The following ABRAXAS2 variants were observed in gnomAD, a reference collection of about 807,000 sequenced individuals.
The protein encoded by ABRAXAS2 is abraxas 2, BRISC complex subunit.
Under a neutral mutation model 49.0 loss-of-function variants are expected in ABRAXAS2, and 23 were observed. The observed-to-expected ratio is 0.47, with a 90% confidence interval of 0.34 to 0.66. The LOEUF (loss-of-function observed/expected upper bound fraction) is 0.66, where lower values mean the gene tolerates loss of function less well. Ranked by LOEUF, ABRAXAS2 falls within the 30% of genes least tolerant of loss-of-function variation. The pLI, the probability that ABRAXAS2 is intolerant of heterozygous loss-of-function variation, is 0.01. For synonymous variants in ABRAXAS2, 168 were observed against 180.2 expected, an observed-to-expected ratio of 0.93 and a Z score of 0.54; for missense variants, 443 against 511.9, an observed-to-expected ratio of 0.87 and a Z score of 1.30.
At chr10:124,826,834 C>G in intron 5 of ABRAXAS2, 49 bp downstream of exon 5, 2 of 1,579,938 alleles carry the variant, frequency 1.3e-6, no homozygotes, top group Non-Finnish European at 1.7e-6. Flanking sequence ...GACGTTGGGA[C>G]CAGGCGTGGT....
intron 2 of ABRAXAS2, 142 bp from the exon 3 acceptor site, chr10:124,816,434 G>A (rs1419984176): frequency 4.8e-6 from 3 of 624,592 alleles, no homozygotes; most frequent in African/African-American, 3.7e-5. Context: ...TCAGACTGGT[G>A]TACATGTAGC....
At chr10:124,831,151 C>T (rs538397278) in intron 7 of ABRAXAS2, among the ~76,000 whole-genome samples, 198 bp from the exon 8 acceptor site, 77 of 152,282 alleles carry the variant, frequency 5.1e-4, no homozygotes, top group Middle Eastern at 3.4e-3. Context: ...ATAGCATAAT[C>T]ATCTTAAAAT....
At chr10:124,821,251 A>G (rs570689601) in intron 4 of ABRAXAS2, among the ~76,000 whole-genome samples, 2 of 151,480 alleles carry the variant, frequency 1.3e-5, no homozygotes, top group Non-Finnish European at 2.9e-5. Context: ...AGTAACGACC[A>G]TGAACAGGAA....
intron 8 of ABRAXAS2, 24 bp downstream of exon 8, chr10:124,831,487 A>G (rs1275296538): frequency 1.6e-6 from 2 of 1,268,296 alleles, no homozygotes; most frequent in South Asian, 2.4e-5. Context: ...TAATTTTACC[A>G]TTCAGTATCA....
At chr10:124,811,618 A>G (rs12049662) in intron 2 of ABRAXAS2, among the ~76,000 whole-genome samples, 73,202 of 151,102 alleles carry the variant, frequency 0.48, 19,746 homozygotes, top group South Asian at 0.66. Flanking sequence ...CGGGTCTGTA[A>G]TCCCAGCTAC....
chr10:124,825,594 T>G lies in ABRAXAS2; in HGVS notation c.268-1001T>G, dbSNP rs1267024380. ...TAGCCTCAGCAAAAGTTGGCTTACT[T>G]TCTACATGAAAATGTCAAAACAATC... On this transcript the variant is annotated intron_variant, in intron 4 of 8. Coordinates refer to ENST00000298492, the MANE Select transcript of ABRAXAS2 (RefSeq NM_032182.4). Among the ~76,000 whole-genome samples, 2 of 152,152 alleles carry G rather than the reference T, an allele frequency of 1.3e-5. 1 individual carries two copies. The highest frequency in any genetic ancestry group is 2.9e-5 in the Non-Finnish European group (2 of 68,014).
chr10:124,816,508 T>G, intron 2 of ABRAXAS2, 68 bp from the exon 3 acceptor site: 16 of 1,127,058 alleles, frequency 1.4e-5, no homozygotes, highest in Middle Eastern at 2.1e-4. Flanking sequence ...AAAAAAGTCC[T>G]GAGCTATTTT....
At chr10:124,823,862 CATTA>C (rs1564923168) in intron 4 of ABRAXAS2, among the ~76,000 whole-genome samples, 1 of 152,202 alleles carries the variant, frequency 6.6e-6, no homozygotes, top group Non-Finnish European at 1.5e-5. Flanking sequence ...CACCAATACA[CATTA>C]ATTTGGCATC....
At chr10:124,821,247 G>A (rs1950859420) in intron 4 of ABRAXAS2, among the ~76,000 whole-genome samples, 1 of 149,932 alleles carries the variant, frequency 6.7e-6, no homozygotes, top group Non-Finnish European at 1.5e-5. Context: ...AATGAGTAAC[G>A]ACCATGAACA....
At chr10:124,830,267 A>T (rs1950923580) in intron 7 of ABRAXAS2, among the ~76,000 whole-genome samples, 1 of 152,178 alleles carries the variant, frequency 6.6e-6, no homozygotes, top group Non-Finnish European at 1.5e-5. Flanking sequence ...CAACATAATG[A>T]GACCCTATTT....
At chr10:124,824,290 C>T (rs1950883280) in intron 4 of ABRAXAS2, among the ~76,000 whole-genome samples, 1 of 152,162 alleles carries the variant, frequency 6.6e-6, no homozygotes, top group Non-Finnish European at 1.5e-5. Context: ...AATGCCAGCA[C>T]TTTGGGAGGC....
intron 2 of ABRAXAS2, among the ~76,000 whole-genome samples, chr10:124,814,517 C>A (rs1366614768): frequency 1.3e-5 from 2 of 150,858 alleles, no homozygotes; most frequent in African/African-American, 4.9e-5. Context: ...ATGCCCGACT[C>A]ATTTTTGTAT....
chr10:124,819,309 C>G (rs1263387840), intron 3 of ABRAXAS2, 75 bp from the exon 4 acceptor site: 1 of 1,172,886 alleles, frequency 8.5e-7, no homozygotes, highest in African/African-American at 1.5e-5. Context: ...AGGGTTACCA[C>G]AGGCATATGC....
Position 124,834,702 on chromosome 10 carries a change from A to G in ABRAXAS2, c.979A>G (p.Arg327Gly). 6.2e-7 allele frequency: 1 copy of G among 1,614,176 alleles called. No homozygotes were observed. Residue 327 changes from arginine (R) to glycine (G), a missense_variant, in exon 9 of 9, where the codon AGG becomes GGG. Around this residue, in one of 3 missense-constraint regions of ABRAXAS2, gnomAD observed 230 missense variants for 237.0 expected, o/e 0.97. Coordinates refer to ENST00000298492, the MANE Select transcript of ABRAXAS2 (RefSeq NM_032182.4). ...ESTLSHSRME[R>G]SVFMPRPQAV... ...TACTTTGAGCCACTCTCGCATGGAAAGGAGTGTCTTTATGCCTCGACCTCA... is the reference window on the plus strand; with the variant it reads ...TACTTTGAGCCACTCTCGCATGGAAGGGAGTGTCTTTATGCCTCGACCTCA...
chr10:124,807,100 C>T lies in ABRAXAS2; in HGVS notation c.163+179C>T, dbSNP rs558628701. Reference sequence around the variant, plus strand: ...GGCCGAGGCGGGCGGATCACGAGGTCAGGAGATCGAGACCATCCTGGCTAA... The same window carrying T: ...GGCCGAGGCGGGCGGATCACGAGGTTAGGAGATCGAGACCATCCTGGCTAA... On this transcript the variant is annotated intron_variant, in intron 2 of 8. Transcript: ENST00000298492. Among the ~76,000 whole-genome samples, 5 of 150,184 alleles carry T rather than the reference C, an allele frequency of 3.3e-5. No individual in the cohort carries two copies. In the East Asian group the frequency reaches 1.0e-3, roughly 30 times the overall value.
chr10:124,814,418 C>T (rs1053590466), intron 2 of ABRAXAS2, among the ~76,000 whole-genome samples: 2 of 151,384 alleles, frequency 1.3e-5, no homozygotes, highest in African/African-American at 2.4e-5. Flanking sequence ...GGTGTGATCT[C>T]GGCTCACTGC....
chr10:124,804,716 TC>T (rs1224614828), intron 1 of ABRAXAS2, among the ~76,000 whole-genome samples: 6 of 87,766 alleles, frequency 6.8e-5, no homozygotes, highest in African/African-American at 1.4e-4. Flanking sequence ...TTTTTTTCTT[TC>T]TTTTTTTTTT....
chr10:124,815,718 A>G (rs923362453), intron 2 of ABRAXAS2, among the ~76,000 whole-genome samples: 8 of 152,068 alleles, frequency 5.3e-5, no homozygotes, highest in African/African-American at 1.9e-4. Context: ...AGCTTTTACG[A>G]TCTACCCTGT....
chr10:124,809,157 A>T (rs996630658), intron 2 of ABRAXAS2, among the ~76,000 whole-genome samples: 1 of 152,204 alleles, frequency 6.6e-6, no homozygotes, highest in African/African-American at 2.4e-5. Context: ...AAAAGAAAAA[A>T]AGAAAAGAAA....
Sources: gnomAD v4.1 joint callset for allele counts (sites outside exome capture counted in the v4.1 genomes callset) on GRCh38, gnomAD v4.1.1 for gene constraint, gnomAD v4.1.1 regional missense constraint, MANE v1.5 for transcripts, NCBI Gene and HGNC (gene_info 2026-07-23, HGNC 2026-07-21) for gene names.